The following ADGRB3 variants were observed in gnomAD, a reference collection of about 807,000 sequenced individuals.
ADGRB3 encodes brain-specific angiogenesis inhibitor 3.
Under a neutral mutation model 193.4 loss-of-function variants are expected in ADGRB3, and 37 were observed. The ratio of observed to expected loss-of-function variants is 0.19; its 90% CI spans 0.15 to 0.25. The LOEUF (loss-of-function observed/expected upper bound fraction) is 0.25. Among genes scored for constraint, ADGRB3 ranks in the 10% least tolerant of loss-of-function variants. The pLI is 1.00. For missense variants in ADGRB3, 1,637 were observed against 1,852.9 expected (o/e 0.88, Z 2.14); for synonymous variants, 690 against 644.2 (o/e 1.07, Z -1.08).
intron 17 of ADGRB3, among the ~76,000 whole-genome samples, chr6:69,159,312 T>G (rs954870043): frequency 6.6e-6 from 1 of 152,162 alleles, no homozygotes; most frequent in Non-Finnish European, 1.5e-5. Context: ...CCATTTGCAT[T>G]TTAACTGTCA....
At chr6:69,370,631 T>G (rs1769687965) in intron 29 of ADGRB3, among the ~76,000 whole-genome samples, 1 of 152,150 alleles carries the variant, frequency 6.6e-6, no homozygotes, top group African/African-American at 2.4e-5. Flanking sequence ...AATCTATCTC[T>G]GGTGATCTAG....
At chr6:69,264,326 C>CT (rs1561970545) in intron 20 of ADGRB3, among the ~76,000 whole-genome samples, 2 of 151,928 alleles carry the variant, frequency 1.3e-5, no homozygotes, top group East Asian at 3.9e-4. Flanking sequence ...TTTGCTTTCA[C>CT]GTGCTAAAAA....
At chr6:69,130,137 C>A in intron 17 of ADGRB3, among the ~76,000 whole-genome samples, 1 of 151,982 alleles carries the variant, frequency 6.6e-6, no homozygotes, top group East Asian at 1.9e-4. Flanking sequence ...GGGCTACTTT[C>A]CTGATGGTGT....
chr6:69,383,086 CCAAGA>C (rs1174742400), intron 31 of ADGRB3, 151 bp downstream of exon 31: 26 of 447,432 alleles, frequency 5.8e-5, no homozygotes, highest in African/African-American at 4.3e-4. Context: ...GGAAAGTCTA[CCAAGA>C]CAAATTAGGA....
chr6:69,339,449 T>G lies in ADGRB3; in HGVS notation c.3404T>G (p.Phe1135Cys). The G allele has an allele frequency of 6.2e-7, 1 of 1,614,042 alleles. No homozygotes were observed. Among genetic ancestry groups the G allele is most frequent in the Non-Finnish European group, 8.5e-7 (1 of 1,179,910 alleles). The change falls in exon 26 of 32, where the codon TTT becomes TGT. Residue 1135 changes from phenylalanine (F) to cysteine (C), a missense_variant. Phe to Cys is a radical substitution (Grantham distance 205). Transcript: ENST00000370598. ...SILFQILFAVFDSLQGFVIVM... is the reference protein window; with the variant it reads ...SILFQILFAVCDSLQGFVIVM... ...TTGTTTCAAATACTTTTTGCTGTGT[T>G]TGATTCATTGCAAGGCTTTGTTATA...
At chr6:68,849,236 T>C (rs771427396) in intron 3 of ADGRB3, among the ~76,000 whole-genome samples, 46 of 151,976 alleles carry the variant, frequency 3.0e-4, no homozygotes, top group Non-Finnish European at 4.6e-4. Context: ...TTTGTATTAA[T>C]ACGTTTAAAT....
intron 3 of ADGRB3, among the ~76,000 whole-genome samples, chr6:68,707,826 C>G (rs1562001133): frequency 6.6e-6 from 1 of 152,124 alleles, no homozygotes; most frequent in African/African-American, 2.4e-5. Context: ...CTCAGAGACT[C>G]AAGAGGGAAG....
intron 17 of ADGRB3, among the ~76,000 whole-genome samples, chr6:69,123,006 G>GTGTGTA (rs1350116696): frequency 6.6e-6 from 1 of 150,528 alleles, no homozygotes; most frequent in Admixed American, 6.8e-5. Context: ...GTGAGTGTGT[G>GTGTGTA]TGTGTGTGTG....
chr6:68,667,248 T>G (rs1768824334), intron 3 of ADGRB3, among the ~76,000 whole-genome samples: 1 of 152,020 alleles, frequency 6.6e-6, no homozygotes, highest in African/African-American at 2.4e-5. Flanking sequence ...AGGAAGGAAC[T>G]TGTAAGATTT....
rs557521490 is a variant in ADGRB3 at position 69,187,235 on chromosome 6, C to T, written c.2481-46055C>T. On this transcript the variant is annotated intron_variant, in intron 17 of 31. Coordinates refer to ENST00000370598, the MANE Select transcript of ADGRB3 (RefSeq NM_001704.3). The stretch of plus-strand genomic sequence containing the variant: ...TTTTTGCCTTTAAAAACGTTTTTAA[C>T]GAATTAATTTGAATAATAATTTTAA... 2.6e-4 allele frequency among the ~76,000 whole-genome samples: 39 copies of T among 152,066 alleles called. 2 individuals carry two copies. The South Asian group carries it at 5.6e-3, about 22-fold the overall frequency.
At chr6:69,096,215 T>C (rs987570790) in intron 17 of ADGRB3, among the ~76,000 whole-genome samples, 1 of 152,148 alleles carries the variant, frequency 6.6e-6, no homozygotes, top group Non-Finnish European at 1.5e-5. Flanking sequence ...ACTGTTATAT[T>C]CAAAGGTTTA....
chr6:69,192,220 A>G (rs1465142371), intron 17 of ADGRB3, among the ~76,000 whole-genome samples: 3 of 152,200 alleles, frequency 2.0e-5, no homozygotes, highest in African/African-American at 7.2e-5. Context: ...TAAGAAAGCC[A>G]ACAGTGCAGC....
chr6:68,745,890 GTAA>G (rs1766074056), intron 3 of ADGRB3, among the ~76,000 whole-genome samples: 1 of 151,820 alleles, frequency 6.6e-6, no homozygotes. Flanking sequence ...ATTGCGATTT[GTAA>G]TAATGATACT....
intron 3 of ADGRB3, among the ~76,000 whole-genome samples, chr6:68,679,061 T>C (rs1764829342): frequency 6.6e-6 from 1 of 152,172 alleles, no homozygotes; most frequent in African/African-American, 2.4e-5. Flanking sequence ...ATAAATTATT[T>C]CTCTTTCAGA....
intron 20 of ADGRB3, among the ~76,000 whole-genome samples, chr6:69,245,488 G>A (rs1046158824): frequency 1.3e-4 from 20 of 152,056 alleles, no homozygotes; most frequent in Non-Finnish European, 1.6e-4. Context: ...TAAAACCTGA[G>A]AAAAAGCAGA....
chr6:68,964,000 C>G (rs1282118304), intron 8 of ADGRB3, among the ~76,000 whole-genome samples: 1 of 152,022 alleles, frequency 6.6e-6, no homozygotes. Context: ...AAAGCTATAA[C>G]TAATGAAAAC....
At chr6:68,884,942 C>T (rs1765864061) in intron 3 of ADGRB3, among the ~76,000 whole-genome samples, 1 of 152,066 alleles carries the variant, frequency 6.6e-6, no homozygotes, top group East Asian at 1.9e-4. Flanking sequence ...TGATATAAAA[C>T]CCAGTACCTA....
At chr6:68,750,955 G>T (rs1766186381) in intron 3 of ADGRB3, among the ~76,000 whole-genome samples, 1 of 151,726 alleles carries the variant, frequency 6.6e-6, no homozygotes, top group Admixed American at 6.6e-5. Context: ...TACCTTTTTT[G>T]CCCATCTGTC....
At chr6:69,093,757 A>G (rs1264423583) in intron 17 of ADGRB3, among the ~76,000 whole-genome samples, 1 of 151,876 alleles carries the variant, frequency 6.6e-6, no homozygotes, top group African/African-American at 2.4e-5. Context: ...GTGACAGCCT[A>G]AGTTCAGGGG....
Sources: allele counts gnomAD v4.1 joint callset (sites outside exome capture counted in the v4.1 genomes callset), GRCh38; gene constraint gnomAD v4.1.1; transcripts MANE v1.5; gene names NCBI Gene and HGNC (gene_info 2026-07-23, HGNC 2026-07-21).